Variants in SMAD6 observed in about 807,000 individuals in gnomAD.
SMAD6 encodes MAD homolog 6.
SMAD6 carries 103 observed loss-of-function variants against 39.4 expected under a neutral mutation model. The ratio of observed to expected loss-of-function variants is 2.62; its 90% CI spans 2.23 to 3.08. The LOEUF is 3.08. Among genes scored for constraint, SMAD6 ranks in the 30% most tolerant of loss-of-function variants. The probability of loss-of-function intolerance (pLI) is 0.00; values close to 1 mark genes in which losing one functional copy is unlikely to be tolerated. For missense variants in SMAD6, 1,104 were observed against 742.9 expected (o/e 1.49, Z -5.65); for synonymous variants, 445 against 353.3 (o/e 1.26, Z -2.91).
chr15:66,727,346 G>A (rs1016922806), intron 3 of SMAD6, among the ~76,000 whole-genome samples: 6 of 152,054 alleles, frequency 3.9e-5, no homozygotes, highest in East Asian at 1.9e-4. Flanking sequence ...CAAGTGATCC[G>A]CCTGGCTTGG....
chr15:66,729,567 G>T (rs1893586716), intron 3 of SMAD6, among the ~76,000 whole-genome samples: 2 of 152,210 alleles, frequency 1.3e-5, no homozygotes, highest in Non-Finnish European at 2.9e-5. Flanking sequence ...TGACAGCGTG[G>T]TGTTTTCAGC....
At chr15:66,753,001 T>G (rs1478015931) in intron 3 of SMAD6, among the ~76,000 whole-genome samples, 1 of 152,180 alleles carries the variant, frequency 6.6e-6, no homozygotes, top group Admixed American at 6.5e-5. Context: ...TGCTGCATGC[T>G]TTCAGTGTGC....
chr15:66,718,146 G>GTGTGTGTGTC (rs1030290268), intron 3 of SMAD6, among the ~76,000 whole-genome samples: 147 of 151,290 alleles, frequency 9.7e-4, no homozygotes, highest in African/African-American at 3.3e-3. Flanking sequence ...GTGTGTGTGT[G>GTGTGTGTGTC]TGTGTCTGTG....
At chr15:66,779,257 G>T (rs1019102818) in intron 3 of SMAD6, among the ~76,000 whole-genome samples, 16 of 152,158 alleles carry the variant, frequency 1.1e-4, no homozygotes, top group African/African-American at 3.9e-4. Context: ...ACTGGCTAAG[G>T]GGCAGTTCTG....
chr15:66,733,155 G>T (rs929935796), intron 3 of SMAD6, among the ~76,000 whole-genome samples: 4 of 152,124 alleles, frequency 2.6e-5, no homozygotes, highest in South Asian at 4.1e-4. Context: ...TTGTCCCATG[G>T]TCTACGTGTC....
rs568789846 is a variant in SMAD6, at chr15:66,761,920, G to A, written c.953-19077G>A. Among the ~76,000 whole-genome samples, 17 of 152,292 alleles carry A rather than the reference G, an allele frequency of 1.1e-4. No homozygotes were observed. The South Asian group carries it at 3.5e-3, about 32-fold the overall frequency. ...CCATGACATTCACATGGCCCACTGGGGTGGTGTGTGGATTCCCCAGACACC... is the reference window on the plus strand; with the variant it reads ...CCATGACATTCACATGGCCCACTGGAGTGGTGTGTGGATTCCCCAGACACC... On this transcript the variant is annotated intron_variant, in intron 3 of 3. Coordinates refer to ENST00000288840, the MANE Select transcript of SMAD6 (RefSeq NM_005585.5).
intron 3 of SMAD6, among the ~76,000 whole-genome samples, chr15:66,766,070 A>G (rs1407168031): frequency 1.3e-5 from 2 of 152,216 alleles, no homozygotes; most frequent in Non-Finnish European, 2.9e-5. Flanking sequence ...CCTGTGGCTA[A>G]AAGGGAAATT....
chr15:66,775,702 G>C (rs547733621), intron 3 of SMAD6, among the ~76,000 whole-genome samples: 235 of 152,316 alleles, frequency 1.5e-3, no homozygotes, highest in Non-Finnish European at 2.7e-3. Context: ...CGGGAGTTTC[G>C]GTCAGAGCTC....
chr15:66,775,005 G>A (rs1449076174), intron 3 of SMAD6, among the ~76,000 whole-genome samples: 1 of 151,904 alleles, frequency 6.6e-6, no homozygotes, highest in Non-Finnish European at 1.5e-5. Flanking sequence ...GGATTAAGGC[G>A]CCCGCCACCA....
At chr15:66,734,625 T>C (rs1329161977) in intron 3 of SMAD6, among the ~76,000 whole-genome samples, 1 of 152,180 alleles carries the variant, frequency 6.6e-6, no homozygotes, top group East Asian at 1.9e-4. Flanking sequence ...GAGGTTTCAC[T>C]TACTTACCAG....
intron 3 of SMAD6, among the ~76,000 whole-genome samples, chr15:66,757,474 G>A (rs1226146060): frequency 6.6e-6 from 1 of 152,224 alleles, no homozygotes; most frequent in East Asian, 1.9e-4. Context: ...GAGGCCCAGA[G>A]ATGGTGTGGG....
At chr15:66,732,265 A>G (rs1278295924) in intron 3 of SMAD6, among the ~76,000 whole-genome samples, 1 of 152,140 alleles carries the variant, frequency 6.6e-6, no homozygotes, top group Non-Finnish European at 1.5e-5. Flanking sequence ...CACCTTCCTA[A>G]TGATGAATGA....
chr15:66,724,108 G>A (rs1374195240), intron 3 of SMAD6, among the ~76,000 whole-genome samples: 1 of 152,212 alleles, frequency 6.6e-6, no homozygotes, highest in Admixed American at 6.5e-5. Flanking sequence ...GTAAATAAGC[G>A]AGAGATGGAG....
intron 2 of SMAD6, among the ~76,000 whole-genome samples, chr15:66,715,943 T>C (rs1291223449): frequency 1.3e-5 from 2 of 152,002 alleles, no homozygotes; most frequent in Non-Finnish European, 2.9e-5. Context: ...TGAGGACGGC[T>C]GGTGACTTGT....
chr15:66,717,737 C>T (rs751053150), intron 3 of SMAD6, among the ~76,000 whole-genome samples: 2 of 152,132 alleles, frequency 1.3e-5, no homozygotes, highest in Admixed American at 6.5e-5. Flanking sequence ...ACTTGCCATA[C>T]AGGGTCCCAC....
At position 66,706,286 on chromosome 15, in the gene SMAD6, C is replaced by T. The variant is rs1462148182; in HGVS notation, c.817+2211C>T. The T allele has an allele frequency of 3.3e-5, 5 of 152,228 alleles. No homozygotes were observed. The East Asian group carries it at 5.8e-4, about 18-fold the overall frequency. 9.4% of individuals were successfully genotyped at this position (152,228 alleles called of 1,614,324 possible). A position where few individuals can be genotyped will look rare whatever the true frequency, so the allele number is the denominator to read the frequency against. On this transcript the variant is annotated intron_variant, in intron 1 of 3. Coordinates refer to ENST00000288840, the MANE Select transcript of SMAD6 (RefSeq NM_005585.5). The stretch of plus-strand genomic sequence containing the variant: ...AATATTCTCCCCATCTAAATCTGGA[C>T]TAAGCCTTGGGACTTGATTCCCCTC...
intron 1 of SMAD6, chr15:66,707,021 A>AG (rs1893127756): frequency 1.3e-5 from 2 of 152,122 alleles, no homozygotes; most frequent in Non-Finnish European, 2.9e-5. Context: ...GGTCCTCAGG[A>AG]GGGGACCCAC....
chr15:66,763,793 G>A lies in SMAD6; in HGVS notation c.953-17204G>A, dbSNP rs561632384. Among the ~76,000 whole-genome samples the A allele has an allele frequency of 2.6e-5, 4 of 152,352 alleles. No individual in the cohort carries two copies. The East Asian group carries it at 7.7e-4, about 29-fold the overall frequency. On this transcript the variant is annotated intron_variant, in intron 3 of 3. Transcript: ENST00000288840. Reference sequence around the variant, plus strand: ...TAACGCCTGAGGGGTTCCACACAGGGGTGGGGCCCCACCCTGCCCATTTGG... The same window carrying A: ...TAACGCCTGAGGGGTTCCACACAGGAGTGGGGCCCCACCCTGCCCATTTGG...
At chr15:66,713,466 C>T (rs1040217628) in intron 2 of SMAD6, among the ~76,000 whole-genome samples, 8 of 152,146 alleles carry the variant, frequency 5.3e-5, no homozygotes, top group South Asian at 2.1e-4. Flanking sequence ...ACTGCAGGCA[C>T]GCGCCACCAC....
Sources: gnomAD v4.1 joint callset for allele counts (sites outside exome capture counted in the v4.1 genomes callset) on GRCh38, gnomAD v4.1.1 for gene constraint, MANE v1.5 for transcripts, NCBI Gene and HGNC (gene_info 2026-07-23, HGNC 2026-07-21) for gene names.